NOL4L: variants seen among roughly 807,000 people sequenced by gnomAD.
The protein encoded by NOL4L is nucleolar protein 4-like.
Under a neutral mutation model 64.5 loss-of-function variants are expected in NOL4L, and 7 were observed. The ratio of observed to expected loss-of-function variants is 0.11; its 90% CI spans 0.06 to 0.20. The LOEUF (loss-of-function observed/expected upper bound fraction) is 0.20, where lower values mean the gene tolerates loss of function less well. NOL4L is among the 10% of genes least tolerant of loss of function. NOL4L has a pLI of 1.00. For missense variants in NOL4L, 680 were observed against 967.1 expected (o/e 0.70, Z 3.94); for synonymous variants, 413 against 401.0 (o/e 1.03, Z -0.36).
At chr20:32,491,616 G>A (rs996286508) in intron 4 of NOL4L, among the ~76,000 whole-genome samples, 2 of 152,194 alleles carry the variant, frequency 1.3e-5, no homozygotes, top group African/African-American at 4.8e-5. Context: ...CAGCTCTGAA[G>A]TCTTCGATAG....
At chr20:32,546,019 G>T (rs2018728423) in intron 1 of NOL4L, among the ~76,000 whole-genome samples, 1 of 151,328 alleles carries the variant, frequency 6.6e-6, no homozygotes, top group African/African-American at 2.4e-5. Flanking sequence ...CATGATCTTG[G>T]CTCACTGCAA....
At position 32,537,199 on chromosome 20, in the gene NOL4L, C is replaced by A. The variant is rs938722561; in HGVS notation, c.322-9286G>T. ...TCCCGTAGTCCTCACAGACCCTCCG[C>A]GGTCAGTGCCTCTGCTGCTCCCCGC... On this transcript the variant is annotated intron_variant, in intron 1 of 10. Coordinates refer to ENST00000621426, the MANE Select transcript of NOL4L (RefSeq NM_001256798.2). 2.7e-5 allele frequency: 21 copies of A among 769,150 alleles called. No homozygotes were observed. The African/African-American group carries it at 3.6e-4, about 13-fold the overall frequency. The allele number at this position is 769,150 out of a possible 1,614,324, so 47.6% of individuals were successfully genotyped here.
At chr20:32,573,401 G>T (rs994550111) in intron 1 of NOL4L, among the ~76,000 whole-genome samples, 1 of 151,970 alleles carries the variant, frequency 6.6e-6, no homozygotes, top group Non-Finnish European at 1.5e-5. Context: ...GAGTCACAGA[G>T]ATCCACTGAA....
intron 5 of NOL4L, among the ~76,000 whole-genome samples, chr20:32,458,452 C>T (rs1381300288): frequency 2.0e-5 from 3 of 152,222 alleles, no homozygotes; most frequent in East Asian, 1.9e-4. Flanking sequence ...GCTCCCTTCC[C>T]CTGGCCCAGG....
intron 4 of NOL4L, among the ~76,000 whole-genome samples, chr20:32,476,736 C>A (rs1413006374): frequency 6.6e-6 from 1 of 152,248 alleles, no homozygotes; most frequent in African/African-American, 2.4e-5. Context: ...CCCCTCGATC[C>A]ACGAGGGAGA....
chr20:32,488,837 T>C lies in NOL4L; in HGVS notation c.700-14095A>G, dbSNP rs59440318. On this transcript the variant is annotated intron_variant, in intron 4 of 10. Transcript: ENST00000621426. The stretch of plus-strand genomic sequence containing the variant: ...TCTTTCTTTCTTTCTTTTTCTTTCT[T>C]TCTTTCTTTCTTTCTTTCTTTCTTT... 7.9e-3 allele frequency among the ~76,000 whole-genome samples: 599 copies of C among 75,428 alleles called. 34 individuals carry two copies. Among genetic ancestry groups the C allele is most frequent in the African/African-American group, 0.04 (446 of 11,240 alleles). The allele number at this position is 75,428 out of a possible 152,430, so 49.5% of individuals were successfully genotyped here.
chr20:32,551,471 C>T (rs1288817130), intron 1 of NOL4L, among the ~76,000 whole-genome samples: 1 of 152,054 alleles, frequency 6.6e-6, no homozygotes, highest in East Asian at 1.9e-4. Flanking sequence ...CATTGTTGAC[C>T]AAAATGTCTT....
intron 4 of NOL4L, among the ~76,000 whole-genome samples, chr20:32,502,807 A>T (rs2016978402): frequency 6.6e-6 from 1 of 152,152 alleles, no homozygotes; most frequent in South Asian, 2.1e-4. Context: ...GCTACTCGGG[A>T]GGCTGAGGCA....
intron 1 of NOL4L, among the ~76,000 whole-genome samples, chr20:32,534,985 C>A (rs1202116841): frequency 1.3e-5 from 2 of 151,220 alleles, no homozygotes; most frequent in Non-Finnish European, 2.9e-5. Flanking sequence ...AAAAAAGAAG[C>A]AAGGGGGAGG....
intron 4 of NOL4L, among the ~76,000 whole-genome samples, chr20:32,481,967 G>A (rs947829268): frequency 6.7e-6 from 1 of 150,352 alleles, no homozygotes; most frequent in Non-Finnish European, 1.5e-5. Context: ...GGCGGGGCGG[G>A]GGGGGGGGAG....
intron 6 of NOL4L, among the ~76,000 whole-genome samples, chr20:32,454,732 G>A (rs1238356398): frequency 2.0e-5 from 3 of 152,274 alleles, no homozygotes; most frequent in Non-Finnish European, 4.4e-5. Context: ...TGGGGACACT[G>A]TCCCTGCCCT....
Position 32,535,601 on chromosome 20 carries a change from A to C in NOL4L, c.322-7688T>G, listed in dbSNP as rs142999584. 4,612 of 985,468 alleles carry C rather than the reference A, an allele frequency of 4.7e-3. 15 individuals are homozygous for C. Among genetic ancestry groups the C allele is most frequent in the East Asian group, 0.021 (186 of 8,818 alleles). 61.0% of individuals were successfully genotyped at this position (985,468 alleles called of 1,614,324 possible). The stretch of plus-strand genomic sequence containing the variant: ...CATCTTCTTTCAAATCACGCTGGGG[A>C]CCAAAACGCACACCCCAGGCCACAG... On this transcript the variant is annotated intron_variant, in intron 1 of 10. Transcript: ENST00000621426.
rs1183908204 is a variant in NOL4L at position 32,460,917 on chromosome 20, C to T, written c.842-4522G>A. 2.0e-5 allele frequency among the ~76,000 whole-genome samples: 3 copies of T among 152,218 alleles called. No homozygotes were observed. Among genetic ancestry groups the T allele is most frequent in the African/African-American group, 7.2e-5 (3 of 41,454 alleles). ...GCCATGGTGTCTCCCCTACTCTCGGCGACTCCTGCTCGCCCTTCTGTGCTA... is the reference window on the plus strand; with the variant it reads ...GCCATGGTGTCTCCCCTACTCTCGGTGACTCCTGCTCGCCCTTCTGTGCTA... On this transcript the variant is annotated intron_variant, in intron 5 of 10. Transcript: ENST00000621426. This position sits in a 1 kb window ranked among gnomAD's most constrained non-coding sequence, Gnocchi z 5.7.
At position 32,447,403 on chromosome 20, in the gene NOL4L, CAAAAAAAAAA is replaced by C. The variant is rs386393630; in HGVS notation, c.*183_*192del. 1,426 of 151,760 alleles carry C rather than the reference CAAAAAAAAAA, an allele frequency of 9.4e-3. 10 individuals carry two copies. Among genetic ancestry groups the C allele is most frequent in the Middle Eastern group, 0.051 (29 of 568 alleles). 9.4% of individuals were successfully genotyped at this position (151,760 alleles called of 1,614,324 possible). On this transcript the variant is annotated 3_prime_UTR_variant, in exon 11 of 11. Transcript: ENST00000621426. ...TCAGAGCACCCGTGTGGTGAGATTCCAAAAAAAAAAAAAAAAAAAAAAAAAAGTGTCCTTG... is the reference window on the plus strand; with the variant it reads ...TCAGAGCACCCGTGTGGTGAGATTCCAAAAAAAAAAAAAAAAGTGTCCTTG...
Position 32,463,027 on chromosome 20 carries a change from G to A in NOL4L, c.842-6632C>T, listed in dbSNP as rs180963632. ...TGGTGTAGGGTCCTGCAGTCTGGGC[G>A]ACCTTGGGCACTGCCACCTCCTGGG... On this transcript the variant is annotated intron_variant, in intron 5 of 10. Transcript: ENST00000621426. The surrounding 1 kb of genome is among the most constrained non-coding windows in gnomAD (Gnocchi z 5.8). Among the ~76,000 whole-genome samples the A allele has an allele frequency of 1.7e-3, 260 of 152,162 alleles. 1 individual carries two copies. The highest frequency in any genetic ancestry group is 3.0e-3 in the Non-Finnish European group (207 of 68,016).
At chr20:32,465,109 G>A (rs1451002684) in intron 5 of NOL4L, 3 of 543,468 alleles carry the variant, frequency 5.5e-6, no homozygotes, top group Non-Finnish European at 1.0e-5. Context: ...TGGCTCAAGC[G>A]GTGGGGCCCT....
intron 1 of NOL4L, among the ~76,000 whole-genome samples, chr20:32,560,149 A>G (rs943609178): frequency 1.3e-5 from 2 of 152,224 alleles, no homozygotes; most frequent in African/African-American, 4.8e-5. Context: ...ACGCCCTGCC[A>G]GGCCTGACTC....
intron 10 of NOL4L, 61 bp downstream of exon 10, chr20:32,452,175 G>T: frequency 6.9e-7 from 1 of 1,440,180 alleles, no homozygotes; most frequent in Non-Finnish European, 9.2e-7. Context: ...GCCCAGGGCT[G>T]CTCTGCAGAC....
intron 4 of NOL4L, among the ~76,000 whole-genome samples, chr20:32,483,019 G>A (rs293539): frequency 8.7e-5 from 13 of 150,182 alleles, no homozygotes; most frequent in African/African-American, 2.9e-4. Context: ...CGCACCCCGG[G>A]AGTGGGGTGC....
Sources: gnomAD v4.1 joint callset for allele counts (sites outside exome capture counted in the v4.1 genomes callset) on GRCh38, gnomAD v4.1.1 for gene constraint, Gnocchi (gnomAD v3.1) non-coding constraint, MANE v1.5 for transcripts, NCBI Gene and HGNC (gene_info 2026-07-23, HGNC 2026-07-21) for gene names.